Variants in OPCML observed in about 807,000 individuals in gnomAD.
OPCML encodes the protein opioid-binding protein/cell adhesion molecule.
Under a neutral mutation model 37.8 loss-of-function variants are expected in OPCML, and 13 were observed. The ratio of observed to expected loss-of-function variants is 0.34; its 90% CI spans 0.22 to 0.55. The LOEUF (loss-of-function observed/expected upper bound fraction) is 0.55, where lower values mean the gene tolerates loss of function less well. OPCML is among the 20% of genes least tolerant of loss of function. OPCML has a pLI of 0.91. For missense variants in OPCML, 341 were observed against 435.6 expected (o/e 0.78, Z 1.93); for synonymous variants, 176 against 168.8 (o/e 1.04, Z -0.33).
intron 1 of OPCML, among the ~76,000 whole-genome samples, chr11:133,408,489 T>C (rs765025726): frequency 1.3e-5 from 2 of 152,218 alleles, no homozygotes; most frequent in Non-Finnish European, 2.9e-5. Flanking sequence ...CAACATTTTA[T>C]TTGACAGTAA....
chr11:132,784,042 C>A (rs1947119919), intron 2 of OPCML, among the ~76,000 whole-genome samples: 1 of 152,054 alleles, frequency 6.6e-6, no homozygotes, highest in Admixed American at 6.6e-5. Context: ...CAATAGTATC[C>A]TAAATATACT....
At chr11:132,542,098 G>A (rs4427571) in intron 3 of OPCML, among the ~76,000 whole-genome samples, 19,375 of 152,076 alleles carry the variant, frequency 0.13, 1,575 homozygotes, top group East Asian at 0.35. Flanking sequence ...GTGTGAGCAG[G>A]GACATTCCTG....
At chr11:133,007,414 A>C in intron 1 of OPCML, 1 of 985,426 alleles carries the variant, frequency 1.0e-6, no homozygotes, top group South Asian at 4.7e-5. Flanking sequence ...TAAAGAGTCA[A>C]AGAATGCTGT....
intron 2 of OPCML, among the ~76,000 whole-genome samples, chr11:132,770,946 C>T (rs1355741323): frequency 6.6e-6 from 1 of 152,166 alleles, no homozygotes; most frequent in Non-Finnish European, 1.5e-5. Flanking sequence ...GGCCTTGACC[C>T]TTAAATCTCT....
intron 1 of OPCML, among the ~76,000 whole-genome samples, chr11:133,110,352 G>A (rs183701308): frequency 3.5e-4 from 54 of 152,170 alleles, no homozygotes; most frequent in African/African-American, 5.8e-4. Context: ...CCTTACATTC[G>A]AGTACAGAAA....
At chr11:132,498,006 G>A (rs1029999408) in intron 4 of OPCML, among the ~76,000 whole-genome samples, 4 of 152,166 alleles carry the variant, frequency 2.6e-5, no homozygotes, top group African/African-American at 2.4e-5. Flanking sequence ...CTCTTTAATC[G>A]AAAACTTCAT....
chr11:133,122,979 G>C (rs962248258), intron 1 of OPCML, among the ~76,000 whole-genome samples: 3 of 152,176 alleles, frequency 2.0e-5, no homozygotes, highest in African/African-American at 7.2e-5. Context: ...ATACTGCAAA[G>C]ATAGATATTC....
chr11:132,714,671 C>T (rs556992159), intron 2 of OPCML, among the ~76,000 whole-genome samples: 22 of 152,246 alleles, frequency 1.4e-4, no homozygotes, highest in African/African-American at 4.1e-4. Context: ...ACTGGCTTAT[C>T]GAAGAGTCTT....
At chr11:133,076,367 C>T (rs1364643199) in intron 1 of OPCML, among the ~76,000 whole-genome samples, 1 of 152,174 alleles carries the variant, frequency 6.6e-6, no homozygotes, top group African/African-American at 2.4e-5. Flanking sequence ...GAATTGTTGG[C>T]ATTCCTCCAC....
At chr11:133,114,299 A>G (rs1442365593) in intron 1 of OPCML, among the ~76,000 whole-genome samples, 1 of 152,072 alleles carries the variant, frequency 6.6e-6, no homozygotes, top group African/African-American at 2.4e-5. Flanking sequence ...GTCAGTGCCA[A>G]TGTGTCATCT....
chr11:132,632,586 T>C (rs1376343702), intron 3 of OPCML, among the ~76,000 whole-genome samples: 2 of 152,204 alleles, frequency 1.3e-5, no homozygotes, highest in African/African-American at 2.4e-5. Context: ...CAACACAATG[T>C]CGCCGCAGAG....
chr11:132,912,115 C>G (rs1315328417), intron 2 of OPCML, among the ~76,000 whole-genome samples: 1 of 151,686 alleles, frequency 6.6e-6, no homozygotes, highest in Non-Finnish European at 1.5e-5. Context: ...AACATGGACT[C>G]TTTCTGACAT....
At chr11:133,135,248 C>T (rs796903425) in intron 1 of OPCML, among the ~76,000 whole-genome samples, 2 of 152,268 alleles carry the variant, frequency 1.3e-5, no homozygotes, top group African/African-American at 4.8e-5. Context: ...TTAGTGATCC[C>T]TGCCTGTTAC....
chr11:133,272,581 C>T (rs759145329), intron 1 of OPCML, among the ~76,000 whole-genome samples: 6 of 152,134 alleles, frequency 3.9e-5, no homozygotes, highest in Non-Finnish European at 7.3e-5. Context: ...CCCTCTGGGC[C>T]GGCCCGGGGA....
At chr11:132,696,383 A>T (rs971159135) in intron 2 of OPCML, among the ~76,000 whole-genome samples, 2 of 152,338 alleles carry the variant, frequency 1.3e-5, no homozygotes, top group East Asian at 3.9e-4. Context: ...TAAAACTAGT[A>T]AATTTTTTAG....
At chr11:132,580,185 G>T (rs1406742765) in intron 3 of OPCML, among the ~76,000 whole-genome samples, 1 of 152,182 alleles carries the variant, frequency 6.6e-6, no homozygotes. Flanking sequence ...CACCATAGCA[G>T]CTTGGAGCAC....
At chr11:133,467,453 G>C (rs1220111957) in intron 1 of OPCML, among the ~76,000 whole-genome samples, 5 of 152,128 alleles carry the variant, frequency 3.3e-5, no homozygotes, top group African/African-American at 1.2e-4. Flanking sequence ...GCATGTGTTT[G>C]TATACTTATA....
chr11:132,515,802 G>A (rs754235206), intron 4 of OPCML, among the ~76,000 whole-genome samples: 60 of 152,164 alleles, frequency 3.9e-4, no homozygotes, highest in Admixed American at 6.5e-5. Context: ...CTTCAACCTC[G>A]GACATGTGGG....
intron 1 of OPCML, among the ~76,000 whole-genome samples, chr11:133,344,215 C>T (rs1298814458): frequency 1.3e-5 from 2 of 152,194 alleles, no homozygotes; most frequent in Non-Finnish European, 2.9e-5. Context: ...ATAAGGGACA[C>T]GATCTGGCCG....
Sources: allele counts gnomAD v4.1 joint callset (sites outside exome capture counted in the v4.1 genomes callset), GRCh38; gene constraint gnomAD v4.1.1; transcripts MANE v1.5; gene names NCBI Gene and HGNC (gene_info 2026-07-23, HGNC 2026-07-21).